The following GNAI1 variants were observed in gnomAD, a reference collection of about 807,000 sequenced individuals.
The protein encoded by GNAI1 is guanine nucleotide-binding protein G(i) subunit alpha-1.
A neutral mutation model predicts 38.9 loss-of-function variants in GNAI1; 11 were observed. That is an observed-to-expected ratio of 0.28 (90% CI 0.18 to 0.47). GNAI1 has a LOEUF of 0.47. Ranked by LOEUF, GNAI1 falls within the 20% of genes least tolerant of loss-of-function variation. The pLI is 0.99. For synonymous variants in GNAI1, 166 were observed against 145.1 expected, an observed-to-expected ratio of 1.14 and a Z score of -1.04; for missense variants, 317 against 436.9, an observed-to-expected ratio of 0.73 and a Z score of 2.45.
intron 1 of GNAI1, among the ~76,000 whole-genome samples, chr7:80,136,498 TC>T (rs1414213308): frequency 6.6e-6 from 1 of 152,312 alleles, no homozygotes; most frequent in African/African-American, 2.4e-5. Context: ...GTAATAATGA[TC>T]TGAGTCATTT....
intron 1 of GNAI1, among the ~76,000 whole-genome samples, chr7:80,161,128 A>G (rs1787917590): frequency 6.6e-6 from 1 of 152,204 alleles, no homozygotes; most frequent in Non-Finnish European, 1.5e-5. Flanking sequence ...TTCAAAGAAC[A>G]GATGTTGAGA....
chr7:80,155,046 T>C (rs966514840), intron 1 of GNAI1, among the ~76,000 whole-genome samples: 27 of 152,306 alleles, frequency 1.8e-4, no homozygotes, highest in African/African-American at 6.3e-4. Flanking sequence ...TTTTCCATTA[T>C]AGCCTGATTT....
In GNAI1 at chr7:80,221,429, C is replaced by T. The variant is rs1584062438; in HGVS notation, c.*3936C>T. 6.6e-6 allele frequency among the ~76,000 whole-genome samples: 1 copy of T among 152,104 alleles called. No homozygotes were observed. The highest frequency in any genetic ancestry group is 3.4e-3 in the Middle Eastern group (1 of 294). ...CTTTAAAATCATAATCAGTGCTTAA[C>T]AAATGGTTGTTGATACGTGCTTTGA... is the stretch of plus-strand genomic sequence containing the variant. On this transcript the variant is annotated 3_prime_UTR_variant, in exon 8 of 8. Transcript: ENST00000649796.
In GNAI1 at chr7:80,162,999, G is replaced by A. The variant is rs79982713; in HGVS notation, c.119-25952G>A. Among the ~76,000 whole-genome samples the A allele has an allele frequency of 4.3e-4, 65 of 152,278 alleles. No individual in the cohort carries two copies. In the East Asian group the frequency reaches 0.012, roughly 28 times the overall value. On this transcript the variant is annotated intron_variant, in intron 1 of 7. Transcript: ENST00000649796. ...AAAAATAATTTGTAAAACTGGGTTT[G>A]TTTTAGGGAATGTGGCCAAGTACTG...
chr7:80,195,750 A>G (rs1167094828), intron 3 of GNAI1, among the ~76,000 whole-genome samples: 1 of 151,984 alleles, frequency 6.6e-6, no homozygotes, highest in African/African-American at 2.4e-5. Flanking sequence ...TCATACATAA[A>G]TTCTATCTGC....
chr7:80,225,574 A>G lies in GNAI1; in HGVS notation c.*8081A>G, dbSNP rs551842536. On this transcript the variant is annotated 3_prime_UTR_variant, in exon 8 of 8. Transcript: ENST00000649796. ...ATGCATTAAAAAAGCTTCTGAACTTATTTTGGAAAGAGTAGCTCCCTGGAG... is the reference window on the plus strand; with the variant it reads ...ATGCATTAAAAAAGCTTCTGAACTTGTTTTGGAAAGAGTAGCTCCCTGGAG... Among the ~76,000 whole-genome samples the G allele has an allele frequency of 4.6e-5, 7 of 152,274 alleles. No homozygotes were observed. The highest frequency in any genetic ancestry group is 1.0e-4 in the Non-Finnish European group (7 of 68,022).
At position 80,221,658 on chromosome 7, in the gene GNAI1, T is replaced by TGG; in HGVS notation, c.*4165_*4166insGG. On this transcript the variant is annotated 3_prime_UTR_variant, in exon 8 of 8. Coordinates refer to ENST00000649796, the MANE Select transcript of GNAI1 (RefSeq NM_002069.6). ...TTTCTTTTTTTTTTTTTTTTTTTTT[T>TGG]TTTGGTATGGAGTCTTGCTCCTTCA... Among the ~76,000 whole-genome samples, 1 of 135,676 alleles carries TGG rather than the reference T, an allele frequency of 7.4e-6. No individual in the cohort carries two copies. The highest frequency in any genetic ancestry group is 1.6e-5 in the Non-Finnish European group (1 of 61,826). 89.0% of individuals were successfully genotyped at this position (135,676 alleles called of 152,430 possible).
At chr7:80,156,645 G>T (rs1057301569) in intron 1 of GNAI1, among the ~76,000 whole-genome samples, 1 of 152,024 alleles carries the variant, frequency 6.6e-6, no homozygotes, top group Non-Finnish European at 1.5e-5. Flanking sequence ...TGTTTCCCAG[G>T]CTGGTCTTAA....
At chr7:80,217,244 T>TTTCATATGTATGTAACTGA in intron 7 of GNAI1, 59 bp from the exon 8 acceptor site, 2 of 1,093,800 alleles carry the variant, frequency 1.8e-6, no homozygotes, top group Non-Finnish European at 2.6e-6. Flanking sequence ...CTGAATTCAG[T>TTTCATATGTATGTAACTGA]ATTTTAAGCA....
intron 1 of GNAI1, among the ~76,000 whole-genome samples, chr7:80,142,775 C>T (rs1787548709): frequency 6.6e-6 from 1 of 152,144 alleles, no homozygotes; most frequent in Non-Finnish European, 1.5e-5. Flanking sequence ...CTACATTATT[C>T]CTAACACATT....
chr7:80,223,777 T>C lies in GNAI1; in HGVS notation c.*6284T>C, dbSNP rs1245264368. Among the ~76,000 whole-genome samples the C allele has an allele frequency of 6.6e-6, 1 of 151,810 alleles. No homozygotes were observed. The highest frequency in any genetic ancestry group is 2.4e-5 in the African/African-American group (1 of 41,040). On this transcript the variant is annotated 3_prime_UTR_variant, in exon 8 of 8. Coordinates refer to ENST00000649796, the MANE Select transcript of GNAI1 (RefSeq NM_002069.6). ...TAGCAATCTACTTCACAAGGCAATT[T>C]ACCTGTAATAAATATAACTTTTTTG...
intron 1 of GNAI1, among the ~76,000 whole-genome samples, chr7:80,146,814 C>T (rs938206358): frequency 1.3e-5 from 2 of 152,200 alleles, no homozygotes; most frequent in Non-Finnish European, 2.9e-5. Flanking sequence ...ATCACTTTAT[C>T]AGTAAGGTAT....
At chr7:80,137,619 CA>C (rs1243805895) in intron 1 of GNAI1, among the ~76,000 whole-genome samples, 1 of 152,172 alleles carries the variant, frequency 6.6e-6, no homozygotes, top group Admixed American at 6.5e-5. Flanking sequence ...CTTGCCCGGC[CA>C]GAATTCTTAT....
At chr7:80,159,622 AGAAC>A (rs1308509454) in intron 1 of GNAI1, among the ~76,000 whole-genome samples, 1 of 152,208 alleles carries the variant, frequency 6.6e-6, no homozygotes, top group Non-Finnish European at 1.5e-5. Flanking sequence ...CTTTGTGCTG[AGAAC>A]ATTCAGCACA....
At chr7:80,210,834 C>A in intron 5 of GNAI1, 135 bp from the exon 6 acceptor site, 1 of 561,190 alleles carries the variant, frequency 1.8e-6, no homozygotes, top group Non-Finnish European at 2.8e-6. Flanking sequence ...TTTTTTTCTC[C>A]CATAAAGTCC....
chr7:80,157,128 C>G (rs1466771678), intron 1 of GNAI1, among the ~76,000 whole-genome samples: 1 of 152,186 alleles, frequency 6.6e-6, no homozygotes, highest in Non-Finnish European at 1.5e-5. Context: ...TCCCTCCTAC[C>G]TTATGCTAAG....
chr7:80,175,364 A>ATGTGTGTGTGTGTGTGTGTG (rs71518972), intron 1 of GNAI1, among the ~76,000 whole-genome samples: 1 of 150,480 alleles, frequency 6.6e-6, no homozygotes, highest in South Asian at 2.1e-4. Context: ...GTGTATATTT[A>ATGTGTGTGTGTGTGTGTGTG]TGTGTGTGTG....
chr7:80,198,771 G>A (rs377019775), intron 3 of GNAI1, among the ~76,000 whole-genome samples: 37 of 152,192 alleles, frequency 2.4e-4, no homozygotes, highest in African/African-American at 7.5e-4. Context: ...CAACTATAAG[G>A]TATATCAGAA....
At chr7:80,206,556 G>A (rs1788780541) in intron 5 of GNAI1, among the ~76,000 whole-genome samples, 1 of 151,900 alleles carries the variant, frequency 6.6e-6, no homozygotes, top group Non-Finnish European at 1.5e-5. Context: ...TGACAAGGAA[G>A]TTCACTATCA....
Sources: allele counts gnomAD v4.1 joint callset (sites outside exome capture counted in the v4.1 genomes callset), GRCh38; gene constraint gnomAD v4.1.1; transcripts MANE v1.5; gene names NCBI Gene and HGNC (gene_info 2026-07-23, HGNC 2026-07-21).